The following ABCB1 variants were observed in gnomAD, a reference collection of about 807,000 sequenced individuals.
ABCB1 encodes the protein ATP-dependent translocase ABCB1.
Under a neutral mutation model 142.0 loss-of-function variants are expected in ABCB1, and 69 were observed. The observed-to-expected ratio is 0.49, with a 90% CI of 0.40 to 0.59. The LOEUF (loss-of-function observed/expected upper bound fraction) is 0.59. ABCB1 is among the 20% of genes least tolerant of loss of function. The pLI is 0.00. For missense variants in ABCB1, 1,326 were observed against 1,554.7 expected (o/e 0.85, Z 2.47); for synonymous variants, 532 against 539.2 (o/e 0.99, Z 0.18).
chr7:87,625,189 G>A (rs1208235678), intron 1 of ABCB1, among the ~76,000 whole-genome samples: 2 of 152,086 alleles, frequency 1.3e-5, no homozygotes, highest in Non-Finnish European at 1.5e-5. Context: ...CCCGGGTGGC[G>A]GAACTTGCAG....
intron 1 of ABCB1, among the ~76,000 whole-genome samples, chr7:87,635,333 G>C (rs995051438): frequency 6.6e-6 from 1 of 152,200 alleles, no homozygotes; most frequent in Non-Finnish European, 1.5e-5. Context: ...AGAGGGTCTT[G>C]AAGTTATTGT....
intron 15 of ABCB1, 70 bp downstream of exon 15, chr7:87,545,793 T>G: frequency 1.3e-6 from 2 of 1,501,980 alleles, no homozygotes; most frequent in South Asian, 2.4e-5. Flanking sequence ...ATAATATTTA[T>G]TTTTAGCATT....
At chr7:87,521,897 G>T in intron 21 of ABCB1, 1 of 773,436 alleles carries the variant, frequency 1.3e-6, no homozygotes, top group Non-Finnish European at 2.3e-6. Context: ...GATAAGAAAA[G>T]GGGCTTTGCT....
chr7:87,590,290 T>A (rs916026011), intron 3 of ABCB1, among the ~76,000 whole-genome samples: 3 of 152,204 alleles, frequency 2.0e-5, no homozygotes, highest in Non-Finnish European at 4.4e-5. Flanking sequence ...TAAGTTGCTA[T>A]GAAAGTTCCA....
intron 1 of ABCB1, among the ~76,000 whole-genome samples, chr7:87,634,995 G>A (rs1399248379): frequency 6.6e-6 from 1 of 152,134 alleles, no homozygotes; most frequent in Non-Finnish European, 1.5e-5. Flanking sequence ...CAACCAAACT[G>A]CATTCATATT....
intron 1 of ABCB1, among the ~76,000 whole-genome samples, chr7:87,629,736 C>G (rs928495506): frequency 1.1e-4 from 16 of 151,820 alleles, no homozygotes; most frequent in Non-Finnish European, 1.9e-4. Context: ...ACCAGCCTGG[C>G]CAACATAGTG....
chr7:87,619,045 C>A (rs1820127214), intron 1 of ABCB1, among the ~76,000 whole-genome samples: 1 of 152,160 alleles, frequency 6.6e-6, no homozygotes, highest in African/African-American at 2.4e-5. Context: ...GCAGAAAACC[C>A]ACCTGTGCTG....
intron 1 of ABCB1, among the ~76,000 whole-genome samples, chr7:87,653,814 C>T (rs1823814883): frequency 6.6e-6 from 1 of 151,960 alleles, no homozygotes; most frequent in African/African-American, 2.4e-5. Flanking sequence ...TTCTGGCTTA[C>T]CACTGATTTG....
chr7:87,604,211 T>C (rs1819566995), upstream of ABCB1, among the ~76,000 whole-genome samples: 1 of 152,212 alleles, frequency 6.6e-6, no homozygotes, highest in Non-Finnish European at 1.5e-5. Context: ...AAATCTTATG[T>C]ATCTTTCTCT....
chr7:87,541,790 C>T (rs1816551642), intron 17 of ABCB1, among the ~76,000 whole-genome samples: 1 of 152,198 alleles, frequency 6.6e-6, no homozygotes, highest in Non-Finnish European at 1.5e-5. Context: ...ACATTTATGG[C>T]AGTTCATTGC....
chr7:87,603,477 C>T (rs147448920), upstream of ABCB1, among the ~76,000 whole-genome samples: 1 of 152,294 alleles, frequency 6.6e-6, no homozygotes, highest in African/African-American at 2.4e-5. Flanking sequence ...CCTTATGAGT[C>T]CATCTTGGAA....
chr7:87,648,139 C>G (rs1472786245), intron 1 of ABCB1, among the ~76,000 whole-genome samples: 1 of 144,578 alleles, frequency 6.9e-6, no homozygotes, highest in Admixed American at 7.1e-5. Context: ...GAGCCAAGAT[C>G]ACACCATTGC....
At chr7:87,515,700 C>T (rs566621463) in intron 24 of ABCB1, among the ~76,000 whole-genome samples, 7 of 152,166 alleles carry the variant, frequency 4.6e-5, no homozygotes, top group Non-Finnish European at 2.9e-5. Flanking sequence ...AAGCAATTCT[C>T]GTACCTCAGC....
At position 87,531,345 on chromosome 7, in the gene ABCB1, C is replaced by T. The variant is rs1816048771; in HGVS notation, c.2634G>A (p.Met878Ile). ...IAIAGVVEMK[M>I]LSGQALKDKK... ...TATCTTTCAGTGCTTGTCCAGACAA[C>T]ATTTTCATTTCAACAACTCCTGCTA... Residue 878 changes from methionine (M) to isoleucine (I), a missense_variant, in exon 21 of 28, where the codon ATG becomes ATA. Transcript: ENST00000622132. 2 of 1,613,486 alleles carry T rather than the reference C, an allele frequency of 1.2e-6. No individual in the cohort carries two copies.
chr7:87,549,942 A>C lies in ABCB1; in HGVS notation c.1463T>G (p.Ile488Ser). 6.2e-7 allele frequency: 1 copy of C among 1,614,214 alleles called. No individual in the cohort carries two copies. Among genetic ancestry groups the C allele is most frequent in the South Asian group, 1.1e-5 (1 of 91,090 alleles). Residue 488 changes from isoleucine to serine, a missense_variant, in exon 13 of 28, where the codon ATT (isoleucine) becomes AGT (serine). Coordinates refer to ENST00000622132, the MANE Select transcript of ABCB1 (RefSeq NM_001348946.2). The part of the protein sequence containing the change: ...VLFATTIAEN[I>S]RYGRENVTMD... ...GGTGACATTTTCACGGCCATAGCGA[A>C]TGTTTTCAGCTATCGTGGTGGCAAA...
chr7:87,670,331 G>T (rs1288436059), intron 1 of ABCB1, among the ~76,000 whole-genome samples: 2 of 152,182 alleles, frequency 1.3e-5, no homozygotes, highest in East Asian at 1.9e-4. Context: ...GACCCATTGG[G>T]TTCTGTTTTT....
chr7:87,555,033 T>C (rs2129740742), intron 8 of ABCB1, among the ~76,000 whole-genome samples: 1 of 152,310 alleles, frequency 6.6e-6, no homozygotes, highest in East Asian at 1.9e-4. Flanking sequence ...TTTTAAACCC[T>C]CAGAGGGTGG....
intron 4 of ABCB1, among the ~76,000 whole-genome samples, chr7:87,578,297 C>T (rs10263741): frequency 0.032 from 4,824 of 152,120 alleles, 259 homozygotes; most frequent in African/African-American, 0.11. Context: ...TTTCTTTGTA[C>T]CATGGTGTTT....
intron 4 of ABCB1, 71 bp from the exon 5 acceptor site, chr7:87,570,294 G>C (rs984708286): frequency 7.3e-7 from 1 of 1,375,266 alleles, no homozygotes; most frequent in Admixed American, 1.7e-5. Flanking sequence ...ATGTAAAAAT[G>C]AATCAAACTC....
Sources: gnomAD v4.1 joint callset for allele counts (sites outside exome capture counted in the v4.1 genomes callset) on GRCh38, gnomAD v4.1.1 for gene constraint, MANE v1.5 for transcripts, NCBI Gene and HGNC (gene_info 2026-07-23, HGNC 2026-07-21) for gene names.